Variants in FOXI1 observed in about 807,000 individuals in gnomAD.
FOXI1 encodes the protein forkhead box I1, also known as forkhead box protein I1.
In FOXI1, 11 loss-of-function variants were observed where a neutral mutation model predicts 16.4. The ratio of observed to expected loss-of-function variants is 0.67; its 90% CI spans 0.42 to 1.11. FOXI1 has a LOEUF of 1.11. Ranked by LOEUF, FOXI1 falls within the 50% of genes least tolerant of loss-of-function variation. The pLI, the probability that FOXI1 is intolerant of heterozygous loss-of-function variation, is 0.00. For synonymous variants in FOXI1, 218 were observed against 211.5 expected, an observed-to-expected ratio of 1.03 and a Z score of -0.27; for missense variants, 480 against 506.1, an observed-to-expected ratio of 0.95 and a Z score of 0.49.
At chr5:170,106,899 A>T in intron 1 of FOXI1, 1 of 738,414 alleles carries the variant, frequency 1.4e-6, no homozygotes, top group Non-Finnish European at 1.7e-6. Context: ...AGTAATTACG[A>T]TTCATCTGCA....
At chr5:170,107,993 C>G in intron 1 of FOXI1, 56 bp from the exon 2 acceptor site, 3 of 1,381,728 alleles carry the variant, frequency 2.2e-6, no homozygotes, top group Non-Finnish European at 3.1e-6. Context: ...TAAGGAGGAA[C>G]AGAAGCAAAG....
Position 170,108,200 on chromosome 5 carries a change from C to T in FOXI1, c.726C>T (p.Ser242=), listed in dbSNP as rs35678180. The change falls in exon 2 of 2, where the codon AGC becomes AGT. Residue 242 remains serine (S), a synonymous_variant. Transcript: ENST00000306268. ...EKTESSLPVD[S]PKTTEPQDIL... ...CAGAGAGCAGTCTCCCGGTGGACAG[C>T]CCCAAGACCACGGAGCCTCAGGACA... 6.4e-3 allele frequency: 10,263 copies of T among 1,614,196 alleles called. 54 individuals carry two copies. The highest frequency in any genetic ancestry group is 7.4e-3 in the Non-Finnish European group (8,763 of 1,180,014).
chr5:170,105,907 G>C lies in FOXI1; in HGVS notation c.-51G>C, dbSNP rs1758461618. On this transcript the variant is annotated 5_prime_UTR_variant, in exon 1 of 2. Coordinates refer to ENST00000306268, the MANE Select transcript of FOXI1 (RefSeq NM_012188.5). ...GCCTGCTGAGCACCTGTCAGGGGCA[G>C]CTCCGGGGTGCAGGTGCCAGGCAGG... 1.4e-6 allele frequency: 2 copies of C among 1,380,994 alleles called. No individual in the cohort carries two copies. The highest frequency in any genetic ancestry group is 1.4e-5 in the African/African-American group (1 of 70,068). 85.5% of individuals were successfully genotyped at this position (1,380,994 alleles called of 1,614,324 possible).
At position 170,108,095 on chromosome 5, in the gene FOXI1, C is replaced by T. The variant is rs532647880; in HGVS notation, c.621C>T (p.Phe207=). The T allele has an allele frequency of 2.5e-5, 41 of 1,613,976 alleles. No individual in the cohort carries two copies. Among genetic ancestry groups the T allele is most frequent in the South Asian group, 1.6e-4 (15 of 91,072 alleles). ...WTLDPNCEKM[F]DNGNFRRKRK... ...TGGACCCCAACTGTGAGAAAATGTT[C>T]GACAATGGAAATTTCCGCAGGAAAA... Residue 207 remains phenylalanine (F), a synonymous_variant, in exon 2 of 2, where the codon TTC becomes TTT. Transcript: ENST00000306268.
At position 170,108,190 on chromosome 5, in the gene FOXI1, C is replaced by T. The variant is rs371025378; in HGVS notation, c.716C>T (p.Pro239Leu). Residue 239 changes from proline (P) to leucine (L), a missense_variant, in exon 2 of 2, where the codon CCG (proline) becomes CTG (leucine). Pro to Leu is a moderately conservative substitution (Grantham distance 98). This residue lies in a region of FOXI1 where 257 missense variants were observed against 262.2 expected (regional missense o/e 0.98). Coordinates refer to ENST00000306268, the MANE Select transcript of FOXI1 (RefSeq NM_012188.5). ...LALEKTESSL[P>L]VDSPKTTEPQ... ...TTAGAGAAGACAGAGAGCAGTCTCC[C>T]GGTGGACAGCCCCAAGACCACGGAG... is the stretch of plus-strand genomic sequence containing the variant. The T allele has an allele frequency of 1.7e-4, 279 of 1,614,164 alleles. No homozygotes were observed. The Middle Eastern group carries it at 3.0e-3, about 17-fold the overall frequency.
rs373020583 is a variant in FOXI1 at position 170,106,034 on chromosome 5, C to A, written c.77C>A (p.Pro26His). ...PQFPSIGQEP[P>H]EMNLYYENFF... ...TTCCCCAGCATCGGCCAGGAGCCCCCCGAGATGAACCTCTACTATGAGAAC... is the reference window on the plus strand; with the variant it reads ...TTCCCCAGCATCGGCCAGGAGCCCCACGAGATGAACCTCTACTATGAGAAC... Residue 26 changes from proline to histidine, a missense_variant, in exon 1 of 2, where the codon CCC becomes CAC. Physicochemically the swap from Pro to His is moderately conservative, Grantham distance 77. Transcript: ENST00000306268. 89 of 1,612,442 alleles carry A rather than the reference C, an allele frequency of 5.5e-5. No individual in the cohort carries two copies. Among genetic ancestry groups the A allele is most frequent in the Non-Finnish European group, 7.0e-5 (82 of 1,178,862 alleles).
In FOXI1 at chr5:170,106,491, C is replaced by T. The variant is rs1411250568; in HGVS notation, c.534C>T (p.Asn178=). The T allele has an allele frequency of 2.5e-6, 4 of 1,614,282 alleles. No homozygotes were observed. The East Asian group carries it at 8.9e-5, about 36-fold the overall frequency. The change falls in exon 1 of 2, where the codon AAC becomes AAT. Residue 178 remains asparagine, a synonymous_variant. Transcript: ENST00000306268. ...CCATCCGCCACAACCTGTCGCTCAA[C>T]GACTGCTTCAAGAAGGTGCCCCGCG... ...QNSIRHNLSL[N]DCFKKVPRDE... is the part of the protein sequence containing the mutation.
intron 1 of FOXI1, among the ~76,000 whole-genome samples, chr5:170,107,293 T>G (rs927538444): frequency 1.3e-5 from 2 of 152,200 alleles, no homozygotes; most frequent in African/African-American, 4.8e-5. Flanking sequence ...CATGCATCCA[T>G]TTCCCAGAAT....
rs1434103277 is a variant in FOXI1 at position 170,109,623 on chromosome 5, G to C, written c.*1012G>C. On this transcript the variant is annotated 3_prime_UTR_variant, in exon 2 of 2. Coordinates refer to ENST00000306268, the MANE Select transcript of FOXI1 (RefSeq NM_012188.5). ...AGGGGCCTTGGGCCCACCCTCACAG[G>C]GGGTCTCTGTGTGATCTCTTGGGAT... 6.6e-6 allele frequency: 1 copy of C among 152,166 alleles called. No individual in the cohort carries two copies. Among genetic ancestry groups the C allele is most frequent in the East Asian group, 1.9e-4 (1 of 5,190 alleles). 9.4% of individuals were successfully genotyped at this position (152,166 alleles called of 1,614,324 possible).
Position 170,108,199 on chromosome 5 carries a change from G to A in FOXI1, c.725G>A (p.Ser242Asn). The A allele has an allele frequency of 6.2e-7, 1 of 1,614,192 alleles. No homozygotes were observed. The highest frequency in any genetic ancestry group is 1.1e-5 in the South Asian group (1 of 91,078). Residue 242 changes from serine (S) to asparagine (N), a missense_variant, in exon 2 of 2, where the codon AGC (serine) becomes AAC (asparagine). This residue lies in a region of FOXI1 where 257 missense variants were observed against 262.2 expected (regional missense o/e 0.98). Coordinates refer to ENST00000306268, the MANE Select transcript of FOXI1 (RefSeq NM_012188.5). ...EKTESSLPVDSPKTTEPQDIL... is the reference protein window; with the variant it reads ...EKTESSLPVDNPKTTEPQDIL... The stretch of plus-strand genomic sequence containing the variant: ...ACAGAGAGCAGTCTCCCGGTGGACA[G>A]CCCCAAGACCACGGAGCCTCAGGAC...
rs528039688 is a variant in FOXI1 at position 170,108,684 on chromosome 5, C to T, written c.*73C>T. On this transcript the variant is annotated 3_prime_UTR_variant, in exon 2 of 2. Transcript: ENST00000306268. ...GTAGAGGTCCTCCATGCCAGCCCCA[C>T]GGTGGTCCATGACTGCGGAACTGCC... 26 of 1,215,184 alleles carry T rather than the reference C, an allele frequency of 2.1e-5. No homozygotes were observed. Among genetic ancestry groups the T allele is most frequent in the East Asian group, 9.3e-5 (4 of 43,060 alleles). 75.3% of individuals were successfully genotyped at this position (1,215,184 alleles called of 1,614,324 possible).
chr5:170,106,729 T>C (rs1488037959), intron 1 of FOXI1, among the ~76,000 whole-genome samples, 198 bp downstream of exon 1: 1 of 152,214 alleles, frequency 6.6e-6, no homozygotes, highest in Non-Finnish European at 1.5e-5. Flanking sequence ...CTGGCTGTGC[T>C]CCTGCCCAGT....
Position 170,108,200 on chromosome 5 carries a change from C to G in FOXI1, c.726C>G (p.Ser242Arg). ...CAGAGAGCAGTCTCCCGGTGGACAG[C>G]CCCAAGACCACGGAGCCTCAGGACA... The part of the protein sequence containing the change: ...EKTESSLPVD[S>R]PKTTEPQDIL... Residue 242 changes from serine to arginine, a missense_variant, in exon 2 of 2, where the codon AGC becomes AGG. This residue lies in a region of FOXI1 where 257 missense variants were observed against 262.2 expected (regional missense o/e 0.98). Transcript: ENST00000306268. The G allele has an allele frequency of 1.2e-6, 2 of 1,614,206 alleles. No individual in the cohort carries two copies. Among genetic ancestry groups the G allele is most frequent in the Non-Finnish European group, 8.5e-7 (1 of 1,180,024 alleles).
At position 170,106,191 on chromosome 5, in the gene FOXI1, C is replaced by G. The variant is rs1356467120; in HGVS notation, c.234C>G (p.Gly78=). The G allele has an allele frequency of 1.3e-5, 20 of 1,586,768 alleles. No individual in the cohort carries two copies. In the Admixed American group the frequency reaches 3.5e-4, roughly 28 times the overall value. The part of the protein sequence containing the change: ...PTMTPPPYLP[G]PNASPFLPQA... ...TGACCCCGCCACCCTACCTGCCCGG[C>G]CCCAACGCCAGCCCCTTCCTGCCCC... The change falls in exon 1 of 2, where the codon GGC becomes GGG. Residue 78 remains glycine, a synonymous_variant. Transcript: ENST00000306268.
chr5:170,107,005 A>G (rs1561921344), intron 1 of FOXI1: 1 of 985,290 alleles, frequency 1.0e-6, no homozygotes, highest in Non-Finnish European at 1.2e-6. Context: ...AGAGGATCTG[A>G]CCTGGGTTAA....
intron 1 of FOXI1, among the ~76,000 whole-genome samples, chr5:170,107,252 G>T (rs1486376881): frequency 6.6e-6 from 1 of 152,196 alleles, no homozygotes; most frequent in Non-Finnish European, 1.5e-5. Flanking sequence ...CTAAAACTCA[G>T]AGACCTGCAG....
In FOXI1 at chr5:170,108,492, C is replaced by G. The variant is rs141924917; in HGVS notation, c.1018C>G (p.Pro340Ala). ...CAGCGGTGGGGGTGACTGGGCGAAC[C>G]CCATGCCCACCAACATGCTCAGCTA... is the stretch of plus-strand genomic sequence containing the variant. ...NHSGGGDWAN[P>A]MPTNMLSYGG... The change falls in exon 2 of 2, where the codon CCC becomes GCC. Residue 340 changes from proline (P) to alanine (A), a missense_variant. Pro to Ala is a conservative substitution (Grantham distance 27). Transcript: ENST00000306268. 7.9e-4 allele frequency: 1,271 copies of G among 1,602,508 alleles called. 4 individuals carry two copies. Among genetic ancestry groups the G allele is most frequent in the Middle Eastern group, 5.3e-3 (32 of 6,000 alleles).
chr5:170,107,292 A>G (rs766594431), intron 1 of FOXI1, among the ~76,000 whole-genome samples: 5 of 152,202 alleles, frequency 3.3e-5, no homozygotes, highest in Admixed American at 2.0e-4. Flanking sequence ...TCATGCATCC[A>G]TTTCCCAGAA....
chr5:170,106,106 A>G lies in FOXI1; in HGVS notation c.149A>G (p.Glu50Gly). Reference sequence around the variant, plus strand: ...CCCAGCCCTCAGCGGCCCTCCTTCGAGGGGGGCGGCGAGTATGGGGCCACC... The same window carrying G: ...CCCAGCCCTCAGCGGCCCTCCTTCGGGGGGGGCGGCGAGTATGGGGCCACC... Reference protein sequence around the residue: ...GVPSPQRPSFEGGGEYGATPN... With the variant: ...GVPSPQRPSFGGGGEYGATPN... The change falls in exon 1 of 2, where the codon GAG becomes GGG. Residue 50 changes from glutamate to glycine, a missense_variant. Around this residue, in one of 3 missense-constraint regions of FOXI1, gnomAD observed 219 missense variants for 222.9 expected, o/e 0.98. Transcript: ENST00000306268. 4 of 1,612,578 alleles carry G rather than the reference A, an allele frequency of 2.5e-6. No homozygotes were observed. Among genetic ancestry groups the G allele is most frequent in the Non-Finnish European group, 3.4e-6 (4 of 1,179,428 alleles).
Sources: allele counts gnomAD v4.1 joint callset (sites outside exome capture counted in the v4.1 genomes callset), GRCh38; gene constraint gnomAD v4.1.1; regional missense constraint gnomAD v4.1.1; transcripts MANE v1.5; gene names NCBI Gene and HGNC (gene_info 2026-07-23, HGNC 2026-07-21).